The following XXYLT1 variants were observed in gnomAD, a reference collection of about 807,000 sequenced individuals.
XXYLT1 encodes xyloside xylosyltransferase 1.
Under a neutral mutation model 28.9 loss-of-function variants are expected in XXYLT1, and 20 were observed. That is an observed-to-expected ratio of 0.69 (90% confidence interval 0.49 to 1.00). XXYLT1 has a LOEUF of 1.00. Ranked by LOEUF, XXYLT1 falls within the 50% of genes least tolerant of loss-of-function variation. The probability of loss-of-function intolerance (pLI) is 0.00; values close to 1 mark genes in which losing one functional copy is unlikely to be tolerated. For missense variants in XXYLT1, 542 were observed against 560.1 expected, an observed-to-expected ratio of 0.97 and a Z score of 0.33; for synonymous variants, 257 against 253.8, an observed-to-expected ratio of 1.01 and a Z score of -0.12.
At position 195,073,888 on chromosome 3, in the gene XXYLT1, GCA is replaced by G. The variant is rs1265631263; in HGVS notation, c.786-3779_786-3778del. Among the ~76,000 whole-genome samples the G allele has an allele frequency of 3.9e-5, 6 of 152,280 alleles. No homozygotes were observed. In the South Asian group the frequency reaches 8.3e-4, roughly 21 times the overall value. On this transcript the variant is annotated intron_variant, in intron 3 of 3. Transcript: ENST00000310380. Reference sequence around the variant, plus strand: ...AGGGCATCTGAAGTCATTTGGAAAAGCACAGTTACTTCCTCGCTTCAAGTCTT... The same window carrying G: ...AGGGCATCTGAAGTCATTTGGAAAAGCAGTTACTTCCTCGCTTCAAGTCTT...
intron 1 of XXYLT1, chr3:195,247,638 C>A: frequency 1.8e-6 from 1 of 558,286 alleles, no homozygotes; most frequent in Admixed American, 3.0e-5. Context: ...CCATGATCCC[C>A]AGACAGCCCT....
At chr3:195,184,440 C>A (rs1007396211) in intron 2 of XXYLT1, among the ~76,000 whole-genome samples, 1 of 152,116 alleles carries the variant, frequency 6.6e-6, no homozygotes, top group Non-Finnish European at 1.5e-5. Flanking sequence ...ATCTTTAAAC[C>A]GAAAACATGA....
At chr3:195,157,732 G>C (rs192304517) in intron 2 of XXYLT1, among the ~76,000 whole-genome samples, 2 of 152,236 alleles carry the variant, frequency 1.3e-5, no homozygotes, top group Admixed American at 1.3e-4. Flanking sequence ...TGGAAGAGCA[G>C]CTGTGGGAGG....
intron 1 of XXYLT1, among the ~76,000 whole-genome samples, chr3:195,231,052 C>T (rs1724278432): frequency 1.3e-5 from 2 of 151,992 alleles, no homozygotes; most frequent in Admixed American, 6.6e-5. Context: ...TCTTCAGTTT[C>T]TTGCATCAGT....
At chr3:195,123,414 C>G (rs1281145280) in intron 3 of XXYLT1, among the ~76,000 whole-genome samples, 1 of 152,168 alleles carries the variant, frequency 6.6e-6, no homozygotes, top group Non-Finnish European at 1.5e-5. Flanking sequence ...CCTCTCCTGA[C>G]TGATGAGGCT....
In XXYLT1 at chr3:195,156,475, T is replaced by TATGCCGGG. The variant is rs746729242; in HGVS notation, c.758_759insCCCGGCAT (p.Ala254ProfsTer3). Reference sequence around the variant, plus strand: ...TGTAAACTGGCTGCATCTCCCGGGCTATGCCGATGATGGCGCCTGGCAGGA... The same window carrying TATGCCGGG: ...TGTAAACTGGCTGCATCTCCCGGGCTATGCCGGGATGCCGATGATGGCGCCTGGCAGGA... On this transcript the variant is annotated frameshift_variant, in exon 3 of 4. Transcript: ENST00000310380. LOFTEE classifies it high-confidence loss of function. 1.2e-6 allele frequency: 2 copies of TATGCCGGG among 1,614,086 alleles called. No homozygotes were observed. Among genetic ancestry groups the TATGCCGGG allele is most frequent in the Non-Finnish European group, 1.7e-6 (2 of 1,180,052 alleles).
intron 3 of XXYLT1, among the ~76,000 whole-genome samples, chr3:195,106,603 G>C (rs1056011794): frequency 2.0e-4 from 31 of 152,222 alleles, no homozygotes; most frequent in Non-Finnish European, 3.8e-4. Flanking sequence ...ACCCCTGCCG[G>C]CGAGGCGCGG....
intron 2 of XXYLT1, among the ~76,000 whole-genome samples, chr3:195,223,272 A>T (rs76041025): frequency 0.033 from 5,017 of 152,132 alleles, 302 homozygotes; most frequent in African/African-American, 0.11. Context: ...TTAGGTACAG[A>T]AGGATGACCC....
At chr3:195,086,792 G>A (rs561010813) in intron 3 of XXYLT1, among the ~76,000 whole-genome samples, 1 of 152,240 alleles carries the variant, frequency 6.6e-6, no homozygotes, top group African/African-American at 2.4e-5. Context: ...CTTAGCAGGT[G>A]TATGACTAGC....
At chr3:195,098,245 C>G (rs890030094) in intron 3 of XXYLT1, among the ~76,000 whole-genome samples, 6 of 152,322 alleles carry the variant, frequency 3.9e-5, no homozygotes, top group African/African-American at 1.4e-4. Context: ...ATGCCAGTGA[C>G]TGTACACTTC....
intron 3 of XXYLT1, among the ~76,000 whole-genome samples, chr3:195,109,507 G>GT (rs397779947): frequency 6.8e-6 from 1 of 147,748 alleles, no homozygotes; most frequent in Non-Finnish European, 1.5e-5. Flanking sequence ...GTACGTGTGT[G>GT]GTGTATGAGT....
intron 3 of XXYLT1, among the ~76,000 whole-genome samples, chr3:195,102,009 T>G (rs1334596385): frequency 3.3e-4 from 24 of 72,998 alleles, no homozygotes; most frequent in East Asian, 1.3e-3. Context: ...AGAAAGAAAG[T>G]AAAGAAACAG....
chr3:195,166,815 G>A (rs1243048049), intron 2 of XXYLT1, among the ~76,000 whole-genome samples: 1 of 152,116 alleles, frequency 6.6e-6, no homozygotes, highest in Non-Finnish European at 1.5e-5. Flanking sequence ...CCAAGTAGCT[G>A]GGATTACAGG....
At chr3:195,103,428 C>CGTCCATCACCCCACGCCAGCGGCCTGT (rs1716915702) in intron 3 of XXYLT1, among the ~76,000 whole-genome samples, 2 of 148,516 alleles carry the variant, frequency 1.3e-5, no homozygotes, top group Admixed American at 1.3e-4. Context: ...CAGCGGCCTG[C>CGTCCATCACCCCACGCCAGCGGCCTGT]GTCCATCACC....
chr3:195,224,541 T>A (rs1317545607), intron 2 of XXYLT1, among the ~76,000 whole-genome samples: 1 of 152,192 alleles, frequency 6.6e-6, no homozygotes, highest in Non-Finnish European at 1.5e-5. Flanking sequence ...GTCCTATAGC[T>A]GGAGGCAGAA....
Position 195,259,477 on chromosome 3 carries a change from G to C in XXYLT1, c.504+11078C>G. Reference sequence around the variant, plus strand: ...TAAGAGCCCTGGATGGGAAGGCTGTGAGGAAGGGCAGCAGGGAGGCCTTCG... The same window carrying C: ...TAAGAGCCCTGGATGGGAAGGCTGTCAGGAAGGGCAGCAGGGAGGCCTTCG... On this transcript the variant is annotated intron_variant, in intron 1 of 3. Transcript: ENST00000310380. 3 of 663,400 alleles carry C rather than the reference G, an allele frequency of 4.5e-6. 1 individual carries two copies. The highest frequency in any genetic ancestry group is 1.9e-6 in the Non-Finnish European group (1 of 535,556). The allele number at this position is 663,400 out of a possible 1,614,324, so 41.1% of individuals were successfully genotyped here. A position where few individuals can be genotyped will look rare whatever the true frequency, so the allele number is the denominator to read the frequency against.
At chr3:195,097,009 G>A (rs564230329) in intron 3 of XXYLT1, among the ~76,000 whole-genome samples, 4 of 152,364 alleles carry the variant, frequency 2.6e-5, no homozygotes, top group Non-Finnish European at 4.4e-5. Flanking sequence ...GGCAAAGGCA[G>A]GCTGTTCTGA....
intron 2 of XXYLT1, among the ~76,000 whole-genome samples, chr3:195,191,844 T>C (rs986104307): frequency 2.6e-5 from 4 of 152,158 alleles, no homozygotes; most frequent in African/African-American, 9.7e-5. Flanking sequence ...CACCTAAAAA[T>C]AGACCTCCCA....
chr3:195,073,931 A>G (rs1714969269), intron 3 of XXYLT1, among the ~76,000 whole-genome samples: 1 of 152,110 alleles, frequency 6.6e-6, no homozygotes, highest in African/African-American at 2.4e-5. Context: ...GATGATCACA[A>G]CCAAGGCCGC....
Sources: allele counts gnomAD v4.1 joint callset (sites outside exome capture counted in the v4.1 genomes callset), GRCh38; gene constraint gnomAD v4.1.1; transcripts MANE v1.5; gene names NCBI Gene and HGNC (gene_info 2026-07-23, HGNC 2026-07-21).